Variants in PCBP3 observed in about 807,000 individuals in gnomAD.
PCBP3 encodes poly(rC) binding protein 3, also known as poly(rC)-binding protein 3.
A neutral mutation model predicts 52.7 loss-of-function variants in PCBP3; 25 were observed. That is an observed-to-expected ratio of 0.47 (90% confidence interval 0.35 to 0.66). PCBP3 has a LOEUF of 0.66. Ranked by LOEUF, PCBP3 falls within the 30% of genes least tolerant of loss-of-function variation. The pLI, the probability that PCBP3 is intolerant of heterozygous loss-of-function variation, is 0.01. For missense variants in PCBP3, 391 were observed against 490.3 expected (o/e 0.80, Z 1.91); for synonymous variants, 162 against 183.0 (o/e 0.89, Z 0.93).
At chr21:45,905,484 G>T (rs1216214051) in intron 9 of PCBP3, among the ~76,000 whole-genome samples, 1 of 152,260 alleles carries the variant, frequency 6.6e-6, no homozygotes, top group East Asian at 1.9e-4. Context: ...CCGAAGGAGA[G>T]AGCCAGGTCA....
At chr21:45,929,664 C>T (rs1489637526) in intron 13 of PCBP3, among the ~76,000 whole-genome samples, 2 of 152,238 alleles carry the variant, frequency 1.3e-5, no homozygotes, top group South Asian at 4.1e-4. Flanking sequence ...TAGGCTGGAG[C>T]TGCCGGGGAG....
chr21:45,931,781 G>A lies in PCBP3; in HGVS notation c.856+936G>A, dbSNP rs55998235. The stretch of plus-strand genomic sequence containing the variant: ...TCAGCCATGCTGTCCTGAAATGAAT[G>A]AACACATCGGCCATGCTGTCCTGAG... On this transcript the variant is annotated intron_variant, in intron 15 of 17. Coordinates refer to ENST00000681687, the MANE Select transcript of PCBP3 (RefSeq NM_001384156.1). Among the ~76,000 whole-genome samples the A allele has an allele frequency of 5.0e-3, 750 of 151,240 alleles. 6 individuals are homozygous for A. The highest frequency in any genetic ancestry group is 0.016 in the African/African-American group (673 of 41,058).
At chr21:45,690,479 T>A (rs2082394875) in intron 2 of PCBP3, among the ~76,000 whole-genome samples, 1 of 152,106 alleles carries the variant, frequency 6.6e-6, no homozygotes, top group African/African-American at 2.4e-5. Context: ...CTAATTTACA[T>A]CTCATCAAAG....
chr21:45,906,474 G>A (rs552230159), intron 9 of PCBP3, among the ~76,000 whole-genome samples: 4 of 152,238 alleles, frequency 2.6e-5, no homozygotes, highest in South Asian at 2.1e-4. Context: ...GACAGGGGCC[G>A]TTTGTCTGTA....
chr21:45,784,014 G>C (rs904758352), intron 4 of PCBP3, among the ~76,000 whole-genome samples: 1 of 152,162 alleles, frequency 6.6e-6, no homozygotes, highest in African/African-American at 2.4e-5. Flanking sequence ...ACATTTTTGT[G>C]CTTTTCAGTT....
chr21:45,930,301 C>T (rs901395069), intron 14 of PCBP3, among the ~76,000 whole-genome samples: 5 of 152,168 alleles, frequency 3.3e-5, no homozygotes, highest in African/African-American at 4.8e-5. Flanking sequence ...CTGTGCTGCC[C>T]GCAGTCTGTC....
At chr21:45,714,515 A>C (rs1235752465) in intron 2 of PCBP3, among the ~76,000 whole-genome samples, 18 of 152,240 alleles carry the variant, frequency 1.2e-4, no homozygotes, top group Admixed American at 1.0e-3. Flanking sequence ...TTAAAGGAAA[A>C]ACTACAGATA....
At chr21:45,903,379 G>A (rs953609328) in intron 9 of PCBP3, among the ~76,000 whole-genome samples, 4 of 152,094 alleles carry the variant, frequency 2.6e-5, no homozygotes, top group East Asian at 3.9e-4. Context: ...AGAAAGGGAC[G>A]CTAGCAAAGT....
Position 45,780,493 on chromosome 21 carries a change from G to A in PCBP3, c.-126+25041G>A, listed in dbSNP as rs78325867. 4.9e-3 allele frequency among the ~76,000 whole-genome samples: 739 copies of A among 152,324 alleles called. 6 individuals carry two copies. Among genetic ancestry groups the A allele is most frequent in the African/African-American group, 0.017 (708 of 41,564 alleles). ...GGCACCTGGTCCAACCTGTGACGAG[G>A]TGTCCCTTTCACGTGAAACTTGTTT... is the stretch of plus-strand genomic sequence containing the variant. On this transcript the variant is annotated intron_variant, in intron 4 of 17. Coordinates refer to ENST00000681687, the MANE Select transcript of PCBP3 (RefSeq NM_001384156.1).
intron 4 of PCBP3, among the ~76,000 whole-genome samples, chr21:45,783,621 G>C (rs1307138082): frequency 6.6e-6 from 1 of 152,206 alleles, no homozygotes; most frequent in Admixed American, 6.5e-5. Flanking sequence ...GGATTTTAAC[G>C]TTGCAAGCTT....
At chr21:45,669,136 T>A (rs1263053297) in intron 2 of PCBP3, 184 bp downstream of exon 2, 1 of 152,216 alleles carries the variant, frequency 6.6e-6, no homozygotes, top group Non-Finnish European at 1.5e-5. Flanking sequence ...TTTTCTTTCT[T>A]TCTGGGACTC....
chr21:45,674,513 G>A (rs1170955179), intron 2 of PCBP3, among the ~76,000 whole-genome samples: 1 of 152,094 alleles, frequency 6.6e-6, no homozygotes, highest in African/African-American at 2.4e-5. Flanking sequence ...GGCTCCTTTG[G>A]TATTTGAGGA....
chr21:45,661,178 G>T (rs541922546), intron 1 of PCBP3, among the ~76,000 whole-genome samples: 1 of 151,980 alleles, frequency 6.6e-6, no homozygotes, highest in Admixed American at 6.6e-5. Context: ...AATAGATTTA[G>T]AGGGAACAAG....
rs2075774289 is a variant in PCBP3, at chr21:45,928,508, A to T, written c.718-1409A>T. Among the ~76,000 whole-genome samples the T allele has an allele frequency of 6.6e-6, 1 of 152,086 alleles. No homozygotes were observed. Among genetic ancestry groups the T allele is most frequent in the African/African-American group, 2.4e-5 (1 of 41,416 alleles). ...CTCCTGAGAGGCCAAGTTCAAACCC[A>T]CCCAGGAGCACACAGCTGGGAAGGC... is the stretch of plus-strand genomic sequence containing the variant. On this transcript the variant is annotated intron_variant, in intron 13 of 17. Coordinates refer to ENST00000681687, the MANE Select transcript of PCBP3 (RefSeq NM_001384156.1). This position sits in a 1 kb window ranked among gnomAD's most constrained non-coding sequence, Gnocchi z 4.1.
intron 2 of PCBP3, among the ~76,000 whole-genome samples, chr21:45,684,545 C>T (rs1394731415): frequency 6.6e-6 from 1 of 152,154 alleles, no homozygotes; most frequent in Non-Finnish European, 1.5e-5. Flanking sequence ...AGAGTTCTTA[C>T]TCTGTTAATT....
rs115414896 is a variant in PCBP3, at chr21:45,789,640, A to G, written c.-126+34188A>G. On this transcript the variant is annotated intron_variant, in intron 4 of 17. Coordinates refer to ENST00000681687, the MANE Select transcript of PCBP3 (RefSeq NM_001384156.1). The stretch of plus-strand genomic sequence containing the variant: ...CCAGTGTGGCCGGAGCAGAGCGAGC[A>G]AGGGAGAGCATCAGGGGCTGAGTTC... 2.0e-3 allele frequency among the ~76,000 whole-genome samples: 305 copies of G among 152,298 alleles called. 1 individual carries two copies. The highest frequency in any genetic ancestry group is 7.0e-3 in the African/African-American group (293 of 41,562).
At chr21:45,757,826 T>G (rs2146490346) in intron 4 of PCBP3, among the ~76,000 whole-genome samples, 1 of 152,308 alleles carries the variant, frequency 6.6e-6, no homozygotes, top group Non-Finnish European at 1.5e-5. Context: ...CAGAAATCAT[T>G]TCACCATAGA....
At chr21:45,725,685 A>G (rs1381623147) in intron 2 of PCBP3, among the ~76,000 whole-genome samples, 1 of 152,138 alleles carries the variant, frequency 6.6e-6, no homozygotes. Flanking sequence ...TGACTTACAA[A>G]CACAGCAGGC....
intron 11 of PCBP3, among the ~76,000 whole-genome samples, chr21:45,912,954 C>T (rs895796778): frequency 2.6e-5 from 4 of 152,192 alleles, no homozygotes; most frequent in African/African-American, 7.2e-5. Context: ...GTGTGAGTGG[C>T]GCTCCCTGAG....
Sources: allele counts gnomAD v4.1 joint callset (sites outside exome capture counted in the v4.1 genomes callset), GRCh38; gene constraint gnomAD v4.1.1; non-coding constraint Gnocchi (gnomAD v3.1); transcripts MANE v1.5; gene names NCBI Gene and HGNC (gene_info 2026-07-23, HGNC 2026-07-21).